Variants in YWHAE observed in about 807,000 individuals in gnomAD.
YWHAE encodes the protein 14-3-3 protein epsilon.
Under a neutral mutation model 30.1 loss-of-function variants are expected in YWHAE, and 4 were observed. That is an observed-to-expected ratio of 0.13 (90% CI 0.07 to 0.30). The LOEUF is 0.30. Among genes scored for constraint, YWHAE ranks in the 10% least tolerant of loss-of-function variants. The probability of loss-of-function intolerance (pLI) is 1.00; values close to 1 mark genes in which losing one functional copy is unlikely to be tolerated. For missense variants in YWHAE, 121 were observed against 315.9 expected (o/e 0.38, Z 4.68); for synonymous variants, 118 against 111.8 (o/e 1.06, Z -0.35).
At chr17:1,382,215 AT>A (rs1567978555) in intron 1 of YWHAE, among the ~76,000 whole-genome samples, 2 of 149,494 alleles carry the variant, frequency 1.3e-5, no homozygotes, top group East Asian at 4.0e-4. Flanking sequence ...TGCCCGGCAA[AT>A]TTTTTGTATT....
At chr17:1,387,632 G>A (rs898506190) in intron 1 of YWHAE, among the ~76,000 whole-genome samples, 2 of 151,904 alleles carry the variant, frequency 1.3e-5, no homozygotes, top group Non-Finnish European at 2.9e-5. Flanking sequence ...GGGGGTGGGG[G>A]CAGTAGGCGG....
chr17:1,393,172 A>G (rs888546477), intron 1 of YWHAE, among the ~76,000 whole-genome samples: 1 of 148,106 alleles, frequency 6.8e-6, no homozygotes, highest in African/African-American at 2.6e-5. Flanking sequence ...ATAAATAAAT[A>G]AAATTTAAAA....
At chr17:1,363,212 CTTA>C in intron 2 of YWHAE, among the ~76,000 whole-genome samples, 1 of 152,144 alleles carries the variant, frequency 6.6e-6, no homozygotes, top group Admixed American at 6.6e-5. Context: ...TTCCTCTTCT[CTTA>C]TTATTTCTAT....
intron 1 of YWHAE, among the ~76,000 whole-genome samples, chr17:1,374,080 G>A (rs1334534449): frequency 2.6e-5 from 4 of 152,132 alleles, no homozygotes; most frequent in Non-Finnish European, 4.4e-5. Flanking sequence ...CACTCTGGGA[G>A]GCAGGTGGAT....
chr17:1,357,893 C>T (rs1425734652), intron 4 of YWHAE, among the ~76,000 whole-genome samples: 4 of 150,434 alleles, frequency 2.7e-5, no homozygotes, highest in Admixed American at 6.6e-5. Context: ...CACCACTGCA[C>T]TCCAGCCTGG....
At chr17:1,377,911 T>A (rs1178564311) in intron 1 of YWHAE, among the ~76,000 whole-genome samples, 4 of 152,062 alleles carry the variant, frequency 2.6e-5, no homozygotes, top group African/African-American at 9.7e-5. Flanking sequence ...TAGCTGGGCA[T>A]GGTGGCGGGT....
In YWHAE at chr17:1,364,827, G is replaced by A. The variant is rs745448060; in HGVS notation, c.264+32C>T. On this transcript the variant is annotated intron_variant, in intron 2 of 5. Transcript: ENST00000264335. ...CGTCCTACAGGTAACTCAAACTGTGGATAAGGGGGGATGATGGCACAACAA... is the reference window on the plus strand; with the variant it reads ...CGTCCTACAGGTAACTCAAACTGTGAATAAGGGGGGATGATGGCACAACAA... 5.0e-6 allele frequency: 8 copies of A among 1,613,524 alleles called. No individual in the cohort carries two copies. The African/African-American group carries it at 9.3e-5, about 19-fold the overall frequency.
chr17:1,395,252 G>A (rs1263645309), intron 1 of YWHAE, among the ~76,000 whole-genome samples: 1 of 152,136 alleles, frequency 6.6e-6, no homozygotes, highest in African/African-American at 2.4e-5. Context: ...AATTGGCTGG[G>A]TGCGGTGGCT....
chr17:1,346,990 CA>C lies in YWHAE; in HGVS notation c.716-1492del, dbSNP rs71148471. Among the ~76,000 whole-genome samples, 587 of 74,176 alleles carry C rather than the reference CA, an allele frequency of 7.9e-3. 2 individuals are homozygous for C. In the Middle Eastern group the frequency reaches 0.1, roughly 13 times the overall value. The allele number at this position is 74,176 out of a possible 152,430, so 48.7% of individuals were successfully genotyped here. On this transcript the variant is annotated intron_variant, in intron 5 of 5. Coordinates refer to ENST00000264335, the MANE Select transcript of YWHAE (RefSeq NM_006761.5). Reference sequence around the variant, plus strand: ...TGGGTAACAGAGTGAGACTCCGTCTCAAAAAAAAAAAAAAAAGAATAAATAA... The same window carrying C: ...TGGGTAACAGAGTGAGACTCCGTCTCAAAAAAAAAAAAAAAGAATAAATAA...
intron 1 of YWHAE, among the ~76,000 whole-genome samples, chr17:1,382,513 G>C (rs1407301633): frequency 6.7e-6 from 1 of 149,976 alleles, no homozygotes; most frequent in Non-Finnish European, 1.5e-5. Context: ...CCCACCACCA[G>C]GCCAGGCTAA....
At chr17:1,380,176 C>T (rs1479289216) in intron 1 of YWHAE, among the ~76,000 whole-genome samples, 3 of 149,608 alleles carry the variant, frequency 2.0e-5, no homozygotes, top group East Asian at 2.0e-4. Flanking sequence ...TGCACTGGCA[C>T]GATCTCGGCT....
intron 4 of YWHAE, among the ~76,000 whole-genome samples, chr17:1,358,521 G>A (rs1317948451): frequency 1.3e-5 from 2 of 149,614 alleles, no homozygotes; most frequent in African/African-American, 4.9e-5. Context: ...TTACAGGCGT[G>A]AGCCACTGCA....
intron 1 of YWHAE, among the ~76,000 whole-genome samples, chr17:1,382,826 A>ACCAGCCTGG (rs1368461256): frequency 1.3e-5 from 2 of 152,086 alleles, no homozygotes; most frequent in African/African-American, 2.4e-5. Context: ...GGAGATCGAG[A>ACCAGCCTGG]CCAGCCTGGC....
At chr17:1,364,746 C>A in intron 2 of YWHAE, 113 bp downstream of exon 2, 1 of 1,242,134 alleles carries the variant, frequency 8.1e-7, no homozygotes, top group Non-Finnish European at 1.1e-6. Context: ...TTATAACATA[C>A]TGTAATACAA....
intron 5 of YWHAE, among the ~76,000 whole-genome samples, chr17:1,349,016 ACT>A (rs1466164623): frequency 2.0e-5 from 3 of 147,034 alleles, no homozygotes; most frequent in African/African-American, 5.1e-5. Flanking sequence ...ACAAAGCAAG[ACT>A]CTGTCTCACG....
intron 1 of YWHAE, among the ~76,000 whole-genome samples, chr17:1,396,709 T>C (rs1186107070): frequency 6.6e-6 from 1 of 152,148 alleles, no homozygotes; most frequent in Non-Finnish European, 1.5e-5. Flanking sequence ...CACCGCAACC[T>C]CGGCCTCCCG....
chr17:1,356,164 G>A (rs1023877461), intron 4 of YWHAE, among the ~76,000 whole-genome samples: 5 of 122,128 alleles, frequency 4.1e-5, no homozygotes, highest in South Asian at 2.6e-4. Flanking sequence ...GCAAGACTCC[G>A]TCTAAAAACA....
chr17:1,368,139 C>A (rs2072974122), intron 1 of YWHAE, among the ~76,000 whole-genome samples: 1 of 152,136 alleles, frequency 6.6e-6, no homozygotes, highest in Non-Finnish European at 1.5e-5. Context: ...GTAATCCCAA[C>A]ACTTTGGGAG....
intron 1 of YWHAE, among the ~76,000 whole-genome samples, chr17:1,388,018 C>T (rs1204489394): frequency 2.0e-5 from 3 of 148,632 alleles, no homozygotes; most frequent in African/African-American, 5.0e-5. Flanking sequence ...CTTTGCCTCC[C>T]GGGTTCAAGT....
Sources: gnomAD v4.1 joint callset for allele counts (sites outside exome capture counted in the v4.1 genomes callset) on GRCh38, gnomAD v4.1.1 for gene constraint, MANE v1.5 for transcripts, NCBI Gene and HGNC (gene_info 2026-07-23, HGNC 2026-07-21) for gene names.